The following NFKBIZ variants were observed in gnomAD, a reference collection of about 807,000 sequenced individuals.
NFKBIZ encodes the protein NFKB inhibitor zeta.
A neutral mutation model predicts 76.8 loss-of-function variants in NFKBIZ; 19 were observed. The ratio of observed to expected loss-of-function variants is 0.25; its 90% CI spans 0.17 to 0.36. The LOEUF is 0.36. NFKBIZ is among the 10% of genes least tolerant of loss of function. NFKBIZ has a pLI of 1.00. For missense variants in NFKBIZ, 829 were observed against 910.9 expected, an observed-to-expected ratio of 0.91 and a Z score of 1.16; for synonymous variants, 368 against 354.8, an observed-to-expected ratio of 1.04 and a Z score of -0.42.
At chr3:101,858,130 C>T (rs1399813437) in intron 11 of NFKBIZ, 10 of 982,982 alleles carry the variant, frequency 1.0e-5, no homozygotes, top group African/African-American at 1.7e-5. Context: ...GAACTCTTTT[C>T]CTGGGAGGAA....
chr3:101,854,027 T>G (rs1289642051), intron 5 of NFKBIZ, among the ~76,000 whole-genome samples, 164 bp downstream of exon 5: 1 of 152,200 alleles, frequency 6.6e-6, no homozygotes, highest in East Asian at 1.9e-4. Context: ...AGCTAGTATG[T>G]CAAGAAAGGG....
At position 101,849,823 on chromosome 3, in the gene NFKBIZ, C is replaced by T. The variant is rs1942921600; in HGVS notation, c.195C>T (p.Ser65=). 1.4e-6 allele frequency: 2 copies of T among 1,473,050 alleles called. No homozygotes were observed. The allele number at this position is 1,473,050 out of a possible 1,614,324, so 91.2% of individuals were successfully genotyped here. A position where few individuals can be genotyped will look rare whatever the true frequency, so the allele number is the denominator to read the frequency against. Residue 65 remains serine (S), a synonymous_variant, in exon 1 of 12, where the codon TCC becomes TCT. Transcript: ENST00000326172. ...CCTCGGCGCCCGGCTCGCCCGGCTC[C>T]GACTCCTCCGACTTCTCCTCTGCCT... ...LGPSAPGSPG[S]DSSDFSSASS...
At position 101,857,706 on chromosome 3, in the gene NFKBIZ, A is replaced by G. The variant is rs1293361713; in HGVS notation, c.2103+247A>G. On this transcript the variant is annotated intron_variant, in intron 11 of 11. Transcript: ENST00000326172. ...GGTCAGGTAGTATTCTGTGACACAC[A>G]CTTAGGGTTAGAGTAAGTCAGAATG... The G allele has an allele frequency of 5.1e-6, 5 of 985,314 alleles. No homozygotes were observed. In the African/African-American group the frequency reaches 7.0e-5, roughly 14 times the overall value. The allele number at this position is 985,314 out of a possible 1,614,324, so 61.0% of individuals were successfully genotyped here.
chr3:101,858,002 T>G, intron 11 of NFKBIZ: 1 of 841,818 alleles, frequency 1.2e-6, no homozygotes, highest in African/African-American at 1.8e-5. Flanking sequence ...AACAGCATAT[T>G]TAATGCTTTA....
chr3:101,837,491 C>CAAAA (rs10713154), intron 2 of NFKBIZ, among the ~76,000 whole-genome samples: 4 of 93,082 alleles, frequency 4.3e-5, no homozygotes, highest in African/African-American at 7.5e-5. Context: ...GATCCTGTCT[C>CAAAA]AAAAAAAAAA....
chr3:101,855,237 A>AT (rs779452138), intron 7 of NFKBIZ, 29 bp downstream of exon 7: 1 of 1,601,482 alleles, frequency 6.2e-7, no homozygotes, highest in South Asian at 1.1e-5. Context: ...GGCTTCCATC[A>AT]TTGCAAGGCC....
At chr3:101,846,440 TG>T (rs1280830834), upstream of NFKBIZ, among the ~76,000 whole-genome samples, 1 of 152,194 alleles carries the variant, frequency 6.6e-6, no homozygotes, top group African/African-American at 2.4e-5. Flanking sequence ...TTCTGGGCAT[TG>T]GGGGTTGTGG....
At position 101,857,340 on chromosome 3, in the gene NFKBIZ, C is replaced by CATA. The variant is rs1576819611; in HGVS notation, c.1984_1985insATA (p.Tyr661_Arg662insHis). On this transcript the variant is annotated inframe_insertion, in exon 11 of 12. Transcript: ENST00000326172. Reference sequence around the variant, plus strand: ...CCATGTTGCTGCCAGCTTGCAGTATCGGTTGACACAATTAGATGCTGTCCG... The same window carrying CATA: ...CCATGTTGCTGCCAGCTTGCAGTATCATAGGTTGACACAATTAGATGCTGTCCG... 1 of 1,614,158 alleles carries CATA rather than the reference C, an allele frequency of 6.2e-7. No individual in the cohort carries two copies. The highest frequency in any genetic ancestry group is 2.2e-5 in the East Asian group (1 of 44,886).
intron 11 of NFKBIZ, chr3:101,857,863 T>A: frequency 1.1e-6 from 1 of 919,226 alleles, no homozygotes; most frequent in Non-Finnish European, 1.3e-6. Flanking sequence ...GTGCTCACAA[T>A]AGTCCCGGGT....
chr3:101,830,018 G>A lies in NFKBIZ; in HGVS notation c.-12+330G>A, dbSNP rs182995586. 1.1e-4 allele frequency among the ~76,000 whole-genome samples: 16 copies of A among 152,256 alleles called. No homozygotes were observed. The East Asian group carries it at 3.1e-3, about 29-fold the overall frequency. Reference sequence around the variant, plus strand: ...CTCTCTGCTTACTGACAGTTTCAGGGTTATGTAATCTTTAACAGGCTTGGA... The same window carrying A: ...CTCTCTGCTTACTGACAGTTTCAGGATTATGTAATCTTTAACAGGCTTGGA... On this transcript the variant is annotated intron_variant, in intron 2 of 12. Transcript: ENST00000394054.
intron 4 of NFKBIZ, 33 bp from the exon 5 acceptor site, chr3:101,853,058 T>C: frequency 1.2e-6 from 2 of 1,612,172 alleles, no homozygotes; most frequent in Non-Finnish European, 1.7e-6. Context: ...TAGAAGGAAG[T>C]GAGTGTGCAA....
At chr3:101,853,964 A>C (rs1014675208) in intron 5 of NFKBIZ, 101 bp downstream of exon 5, 5 of 1,147,026 alleles carry the variant, frequency 4.4e-6, no homozygotes, top group Non-Finnish European at 6.2e-6. Flanking sequence ...TACCTTAGTT[A>C]GTGGTTGGCT....
chr3:101,849,753 C>A lies in NFKBIZ; in HGVS notation c.125C>A (p.Ala42Asp). The change falls in exon 1 of 12, where the codon GCC (alanine) becomes GAC (aspartate). Residue 42 changes from alanine (A) to aspartate (D), a missense_variant. By Grantham distance (126) the Ala-to-Asp change is moderately radical (BLOSUM62 -2). Around this residue, in one of 4 missense-constraint regions of NFKBIZ, gnomAD observed 181 missense variants for 175.3 expected, o/e 1.03. Transcript: ENST00000326172. ...TACTTCTACGGCGCGTCGCCGCCCG[C>A]CGCCGCCCCGGGCGCCTGCGACGCC... ...LSYFYGASPP[A>D]AAPGACDASC... The A allele has an allele frequency of 6.9e-7, 1 of 1,451,516 alleles. No individual in the cohort carries two copies. Among genetic ancestry groups the A allele is most frequent in the Middle Eastern group, 2.3e-4 (1 of 4,338 alleles). 89.9% of individuals were successfully genotyped at this position (1,451,516 alleles called of 1,614,324 possible). A position where few individuals can be genotyped will look rare whatever the true frequency, so the allele number is the denominator to read the frequency against.
intron 2 of NFKBIZ, among the ~76,000 whole-genome samples, chr3:101,835,768 T>TG (rs1942711723): frequency 6.6e-6 from 1 of 152,184 alleles, no homozygotes; most frequent in South Asian, 2.1e-4. Context: ...ATGTGAATTT[T>TG]GGGGGGACAC....
intron 2 of NFKBIZ, among the ~76,000 whole-genome samples, chr3:101,842,220 G>A (rs578055411): frequency 5.4e-4 from 82 of 152,286 alleles, no homozygotes; most frequent in Non-Finnish European, 9.6e-4. Context: ...TGAGTGTTGG[G>A]TATTAAGTGA....
At chr3:101,843,704 A>C (rs1401187327) in intron 2 of NFKBIZ, among the ~76,000 whole-genome samples, 1 of 152,224 alleles carries the variant, frequency 6.6e-6, no homozygotes, top group Non-Finnish European at 1.5e-5. Context: ...GATACATTAA[A>C]ATCCATTGGC....
In NFKBIZ at chr3:101,855,814, C is replaced by A; in HGVS notation, c.1736C>A (p.Pro579His). The A allele has an allele frequency of 6.2e-7, 1 of 1,614,106 alleles. No individual in the cohort carries two copies. Among genetic ancestry groups the A allele is most frequent in the Non-Finnish European group, 8.5e-7 (1 of 1,180,012 alleles). Residue 579 changes from proline (P) to histidine (H), a missense_variant, in exon 9 of 12, where the codon CCT becomes CAT. This residue lies in a region of NFKBIZ where 272 missense variants were observed against 384.2 expected (regional missense o/e 0.71). Transcript: ENST00000326172. ...ELQRNQQPHS[P>H]EVQELLLKNK... ...CAGAGAAATCAACAGCCTCATTCAC[C>A]TGAAGTTCAGGAGCTTTTACTGAAG...
rs370974986 is a variant in NFKBIZ, at chr3:101,855,151, C to T, written c.1533C>T (p.Cys511=). 7.4e-6 allele frequency: 12 copies of T among 1,613,794 alleles called. No individual in the cohort carries two copies. The African/African-American group carries it at 1.3e-4, about 18-fold the overall frequency. The change falls in exon 7 of 12, where the codon TGC becomes TGT. Residue 511 remains cysteine (C), a synonymous_variant. Coordinates refer to ENST00000326172, the MANE Select transcript of NFKBIZ (RefSeq NM_031419.4). ...GGGCACAGGTGAACACCACAGACTG[C>T]TGGGGAAGAACACCTCTGCATGTGT... ...NIGAQVNTTD[C]WGRTPLHVCA... is the part of the protein sequence containing the mutation.
chr3:101,854,803 C>T, intron 6 of NFKBIZ, 120 bp downstream of exon 6: 1 of 788,784 alleles, frequency 1.3e-6, no homozygotes, highest in East Asian at 2.7e-5. Flanking sequence ...TTAATATTAA[C>T]TTTGAGATGT....
Sources: gnomAD v4.1 joint callset for allele counts (sites outside exome capture counted in the v4.1 genomes callset) on GRCh38, gnomAD v4.1.1 for gene constraint, gnomAD v4.1.1 regional missense constraint, MANE v1.5 for transcripts, NCBI Gene and HGNC (gene_info 2026-07-23, HGNC 2026-07-21) for gene names.